MYRIP: variants seen among roughly 807,000 people sequenced by gnomAD.
MYRIP encodes rab effector MyRIP.
A neutral mutation model predicts 98.0 loss-of-function variants in MYRIP; 49 were observed. The observed-to-expected ratio is 0.50, with a 90% CI of 0.40 to 0.63. The LOEUF (loss-of-function observed/expected upper bound fraction) is 0.63, where lower values mean the gene tolerates loss of function less well. Ranked by LOEUF, MYRIP falls within the 30% of genes least tolerant of loss-of-function variation. The pLI is 0.00. For synonymous variants in MYRIP, 404 were observed against 409.5 expected (o/e 0.99, Z 0.16); for missense variants, 1,004 against 1,058.2 (o/e 0.95, Z 0.71).
chr3:40,206,843 G>A lies in MYRIP; in HGVS notation c.1666-3011G>A, dbSNP rs140992470. 3.7e-3 allele frequency among the ~76,000 whole-genome samples: 565 copies of A among 152,292 alleles called. 1 individual carries two copies. Among genetic ancestry groups the A allele is most frequent in the Non-Finnish European group, 5.8e-3 (392 of 68,018 alleles). ...CTCATGTGATAAATAGACATGAAAC[G>A]TGGACAAATCATGTTAAGCAGGTTT... is the stretch of plus-strand genomic sequence containing the variant. On this transcript the variant is annotated intron_variant, in intron 10 of 16. Coordinates refer to ENST00000302541, the MANE Select transcript of MYRIP (RefSeq NM_015460.4).
chr3:40,044,888 A>T (rs1157395072), intron 3 of MYRIP, among the ~76,000 whole-genome samples: 1 of 152,204 alleles, frequency 6.6e-6, no homozygotes, highest in Non-Finnish European at 1.5e-5. Context: ...TTGCGAGGGA[A>T]ATAACAAGCA....
intron 3 of MYRIP, among the ~76,000 whole-genome samples, chr3:40,132,229 G>C (rs1404036345): frequency 6.6e-6 from 1 of 152,292 alleles, no homozygotes; most frequent in East Asian, 1.9e-4. Context: ...TGTCTCTACA[G>C]CTGCAGAAAA....
chr3:39,875,646 C>G (rs1048405194), intron 1 of MYRIP, among the ~76,000 whole-genome samples: 4 of 151,114 alleles, frequency 2.6e-5, no homozygotes, highest in Non-Finnish European at 2.9e-5. Flanking sequence ...TGTAGTTGAG[C>G]AGTTTTGAGT....
chr3:40,046,360 C>T (rs1947668064), intron 3 of MYRIP, among the ~76,000 whole-genome samples: 2 of 151,822 alleles, frequency 1.3e-5, no homozygotes, highest in Admixed American at 6.6e-5. Flanking sequence ...TGGTAAACAC[C>T]GCCAGGACAG....
intron 9 of MYRIP, among the ~76,000 whole-genome samples, chr3:40,183,087 G>T (rs1950932106): frequency 6.6e-6 from 1 of 152,132 alleles, no homozygotes. Flanking sequence ...ATGGAGGAAG[G>T]CAGCATGGAA....
intron 12 of MYRIP, among the ~76,000 whole-genome samples, chr3:40,241,016 C>T (rs775032847): frequency 3.9e-5 from 6 of 152,138 alleles, no homozygotes; most frequent in Admixed American, 3.3e-4. Flanking sequence ...CCAAATTGGT[C>T]GGCCTCCCAG....
intron 12 of MYRIP, among the ~76,000 whole-genome samples, chr3:40,242,829 TCCC>T (rs1953066029): frequency 1.3e-5 from 2 of 152,080 alleles, no homozygotes; most frequent in Admixed American, 6.6e-5. Context: ...TCTCTGTTTC[TCCC>T]CCTTTTCCCC....
chr3:40,024,571 T>G (rs34281381), intron 2 of MYRIP, among the ~76,000 whole-genome samples: 75,061 of 136,742 alleles, frequency 0.55, 19,931 homozygotes, highest in East Asian at 0.66. Context: ...TTTTTGTGGG[T>G]TTTTTTTTTT....
intron 8 of MYRIP, 69 bp downstream of exon 8, chr3:40,170,162 T>G: frequency 6.4e-7 from 1 of 1,553,594 alleles, no homozygotes; most frequent in Non-Finnish European, 8.7e-7. Context: ...TAACCCTCTG[T>G]AGTTGAATCA....
At chr3:40,090,580 A>C (rs1467748210) in intron 3 of MYRIP, among the ~76,000 whole-genome samples, 1 of 152,228 alleles carries the variant, frequency 6.6e-6, no homozygotes, top group Non-Finnish European at 1.5e-5. Context: ...ATTACAGCAT[A>C]GGGTTCAGTT....
chr3:39,984,151 G>A (rs141525172), intron 2 of MYRIP, among the ~76,000 whole-genome samples: 3 of 152,016 alleles, frequency 2.0e-5, no homozygotes, highest in African/African-American at 4.8e-5. Context: ...GACAGACTAG[G>A]GAAAAGACTT....
intron 1 of MYRIP, among the ~76,000 whole-genome samples, chr3:39,878,316 G>A (rs1163390894): frequency 2.6e-5 from 4 of 152,106 alleles, no homozygotes; most frequent in Non-Finnish European, 4.4e-5. Flanking sequence ...GCAATGCCTC[G>A]CCCTGCTTCA....
intron 1 of MYRIP, among the ~76,000 whole-genome samples, chr3:39,851,342 T>C (rs1252086261): frequency 6.6e-6 from 1 of 152,134 alleles, no homozygotes; most frequent in Non-Finnish European, 1.5e-5. Flanking sequence ...TTGTTAAATG[T>C]CTCCTGGGAG....
Position 40,199,472 on chromosome 3 carries a change from G to A in MYRIP, c.1665+9009G>A, listed in dbSNP as rs547684945. ...GTGAGTGTTGTGGAGCTCTGCATTC[G>A]AGGGGATGCTCTCTGACAAGTGCTT... On this transcript the variant is annotated intron_variant, in intron 10 of 16. Transcript: ENST00000302541. Among the ~76,000 whole-genome samples the A allele has an allele frequency of 2.3e-4, 35 of 152,200 alleles. No individual in the cohort carries two copies. In the Middle Eastern group the frequency reaches 0.01, roughly 44 times the overall value.
At chr3:39,868,923 T>C (rs1007269315) in intron 1 of MYRIP, among the ~76,000 whole-genome samples, 6 of 152,224 alleles carry the variant, frequency 3.9e-5, no homozygotes, top group African/African-American at 1.4e-4. Context: ...GTTAACTTTA[T>C]TGAGGATCAC....
At chr3:39,903,012 C>A (rs1053081110) in intron 2 of MYRIP, among the ~76,000 whole-genome samples, 1 of 152,212 alleles carries the variant, frequency 6.6e-6, no homozygotes, top group Non-Finnish European at 1.5e-5. Flanking sequence ...AGAGGAATGA[C>A]TGCTTGCCAT....
intron 12 of MYRIP, among the ~76,000 whole-genome samples, chr3:40,241,296 C>T (rs1953006615): frequency 6.6e-6 from 1 of 152,198 alleles, no homozygotes; most frequent in South Asian, 2.1e-4. Context: ...CCAGCTCTGC[C>T]ACTGAATCCA....
intron 2 of MYRIP, among the ~76,000 whole-genome samples, chr3:39,961,700 C>T (rs565037885): frequency 6.6e-6 from 1 of 152,066 alleles, no homozygotes; most frequent in Admixed American, 6.6e-5. Flanking sequence ...GTCAGAAGAC[C>T]ACAAAACTGC....
chr3:40,040,036 A>T (rs1212117478), intron 2 of MYRIP, among the ~76,000 whole-genome samples: 1 of 152,158 alleles, frequency 6.6e-6, no homozygotes, highest in Non-Finnish European at 1.5e-5. Context: ...GACAGTTGTC[A>T]TTGGATTTAG....
Sources: allele counts gnomAD v4.1 joint callset (sites outside exome capture counted in the v4.1 genomes callset), GRCh38; gene constraint gnomAD v4.1.1; transcripts MANE v1.5; gene names NCBI Gene and HGNC (gene_info 2026-07-23, HGNC 2026-07-21).